TMEM123: variants seen among roughly 807,000 people sequenced by gnomAD.
The protein encoded by TMEM123 is porimin.
TMEM123 carries 16 observed loss-of-function variants against 19.7 expected under a neutral mutation model. The ratio of observed to expected loss-of-function variants is 0.81; its 90% CI spans 0.55 to 1.23. The LOEUF (loss-of-function observed/expected upper bound fraction) is 1.23, where lower values mean the gene tolerates loss of function less well. Among genes scored for constraint, TMEM123 ranks in the 50% most tolerant of loss-of-function variants. The pLI, the probability that TMEM123 is intolerant of heterozygous loss-of-function variation, is 0.00. For synonymous variants in TMEM123, 118 were observed against 99.4 expected (o/e 1.19, Z -1.12); for missense variants, 313 against 257.8 (o/e 1.21, Z -1.47).
intron 2 of TMEM123, among the ~76,000 whole-genome samples, chr11:102,402,745 T>A (rs938349449): frequency 1.3e-5 from 2 of 152,246 alleles, no homozygotes; most frequent in Non-Finnish European, 2.9e-5. Flanking sequence ...CTTCCCACTA[T>A]GCATTAGGAA....
intron 2 of TMEM123, among the ~76,000 whole-genome samples, chr11:102,436,179 T>C (rs1250225730): frequency 2.6e-5 from 4 of 151,928 alleles, no homozygotes; most frequent in Non-Finnish European, 5.9e-5. Context: ...TTATTTTATT[T>C]TGAGATGGAG....
chr11:102,426,992 T>G (rs1440600608), intron 2 of TMEM123, among the ~76,000 whole-genome samples: 1 of 151,506 alleles, frequency 6.6e-6, no homozygotes, highest in Non-Finnish European at 1.5e-5. Context: ...ATTGAAGTTT[T>G]CTAACTATAA....
At chr11:102,401,853 G>T in intron 3 of TMEM123, 63 bp downstream of exon 3, 1 of 1,558,514 alleles carries the variant, frequency 6.4e-7, no homozygotes, top group South Asian at 1.2e-5. Context: ...ACAGAATAAT[G>T]ACTTAAATGT....
chr11:102,429,488 G>A (rs143274769), intron 2 of TMEM123, among the ~76,000 whole-genome samples: 1 of 152,242 alleles, frequency 6.6e-6, no homozygotes, highest in Non-Finnish European at 1.5e-5. Context: ...TCTAAAATGA[G>A]ACTTTCCTCT....
rs186625541 is a variant in TMEM123, at chr11:102,439,777, C to T, written c.157+9035G>A. ...CCCGAGCTAAAGGAGGATGTTCAAA[C>T]CCATCGCAAAGAAGCTAAAAACCTT... On this transcript the variant is annotated intron_variant, in intron 2 of 4. Transcript: ENST00000398136. Among the ~76,000 whole-genome samples the T allele has an allele frequency of 3.5e-3, 536 of 152,220 alleles. 2 individuals are homozygous for T. Among genetic ancestry groups the T allele is most frequent in the Middle Eastern group, 6.8e-3 (2 of 294 alleles).
At chr11:102,437,819 T>C (rs1258832743) in intron 2 of TMEM123, among the ~76,000 whole-genome samples, 2 of 152,166 alleles carry the variant, frequency 1.3e-5, no homozygotes, top group Admixed American at 1.3e-4. Context: ...TGGCTCAAAA[T>C]ATAATTCTTT....
At chr11:102,446,332 G>C (rs972047719) in intron 2 of TMEM123, among the ~76,000 whole-genome samples, 4 of 152,156 alleles carry the variant, frequency 2.6e-5, no homozygotes, top group Admixed American at 1.3e-4. Flanking sequence ...CTGCAGACAA[G>C]AATGTCAAAA....
chr11:102,444,375 A>C (rs1272862994), intron 2 of TMEM123, among the ~76,000 whole-genome samples: 1 of 152,120 alleles, frequency 6.6e-6, no homozygotes, highest in East Asian at 1.9e-4. Flanking sequence ...ATAAAAAAGG[A>C]TGAGTTCATG....
intron 2 of TMEM123, among the ~76,000 whole-genome samples, chr11:102,425,101 T>G (rs953078612): frequency 6.6e-6 from 1 of 152,232 alleles, no homozygotes; most frequent in East Asian, 1.9e-4. Context: ...CAAATACTTG[T>G]GATCTCCAAG....
chr11:102,448,217 T>C (rs141810717), intron 2 of TMEM123: 29 of 455,994 alleles, frequency 6.4e-5, no homozygotes, highest in Non-Finnish European at 1.1e-4. Context: ...AACTTAAAAA[T>C]TGTTTACAAG....
chr11:102,449,684 C>T (rs887306787), intron 1 of TMEM123, among the ~76,000 whole-genome samples: 1 of 152,182 alleles, frequency 6.6e-6, no homozygotes, highest in African/African-American at 2.4e-5. Flanking sequence ...CAAAAGGATA[C>T]AGTGTAAGAT....
chr11:102,447,921 C>T (rs1857900559), intron 2 of TMEM123, among the ~76,000 whole-genome samples: 1 of 152,306 alleles, frequency 6.6e-6, no homozygotes, highest in South Asian at 2.1e-4. Flanking sequence ...TGCAAAGCAG[C>T]ATGAAGGTAC....
intron 2 of TMEM123, among the ~76,000 whole-genome samples, chr11:102,430,521 T>C (rs189619931): frequency 1.3e-5 from 2 of 152,180 alleles, no homozygotes; most frequent in African/African-American, 4.8e-5. Flanking sequence ...GCTTGAGCAA[T>C]CTAAAGGCTG....
intron 2 of TMEM123, among the ~76,000 whole-genome samples, chr11:102,422,741 G>A (rs550461121): frequency 4.6e-5 from 7 of 152,112 alleles, no homozygotes; most frequent in African/African-American, 1.7e-4. Flanking sequence ...TTTGCTTTTT[G>A]CACTCAATAT....
At chr11:102,445,393 ATCAATCAG>A (rs1184707368) in intron 2 of TMEM123, among the ~76,000 whole-genome samples, 3 of 152,220 alleles carry the variant, frequency 2.0e-5, no homozygotes, top group Non-Finnish European at 4.4e-5. Flanking sequence ...CAGTGAATCA[ATCAATCAG>A]TCAATCAATC....
chr11:102,436,926 A>G (rs1857768805), intron 2 of TMEM123, among the ~76,000 whole-genome samples: 1 of 152,242 alleles, frequency 6.6e-6, no homozygotes, highest in Admixed American at 6.5e-5. Flanking sequence ...GCATTATGGA[A>G]AAACAACAGG....
intron 2 of TMEM123, among the ~76,000 whole-genome samples, chr11:102,408,877 T>G (rs1038275246): frequency 6.6e-6 from 1 of 152,218 alleles, no homozygotes; most frequent in African/African-American, 2.4e-5. Flanking sequence ...GCCACCATAT[T>G]GCAACAAGGC....
intron 2 of TMEM123, among the ~76,000 whole-genome samples, chr11:102,413,742 C>A (rs1324063576): frequency 3.3e-5 from 5 of 152,210 alleles, no homozygotes; most frequent in Non-Finnish European, 7.3e-5. Flanking sequence ...AGGACAGCAA[C>A]TTCAAAGCCC....
chr11:102,426,756 G>A (rs113666508), intron 2 of TMEM123, among the ~76,000 whole-genome samples: 1,735 of 149,386 alleles, frequency 0.012, 29 homozygotes, highest in African/African-American at 0.04. Context: ...AAAGATCTTT[G>A]GTGTCCCTTT....
Sources: gnomAD v4.1 joint callset for allele counts (sites outside exome capture counted in the v4.1 genomes callset) on GRCh38, gnomAD v4.1.1 for gene constraint, MANE v1.5 for transcripts, NCBI Gene and HGNC (gene_info 2026-07-23, HGNC 2026-07-21) for gene names.